The following GMCL1 variants were observed in gnomAD, a reference collection of about 807,000 sequenced individuals.
GMCL1 encodes germ cell-less protein-like 1.
GMCL1 carries 54 observed loss-of-function variants against 75.5 expected under a neutral mutation model. That is an observed-to-expected ratio of 0.71 (90% CI 0.57 to 0.90). The LOEUF (loss-of-function observed/expected upper bound fraction) is 0.90. Ranked by LOEUF, GMCL1 falls within the 40% of genes least tolerant of loss-of-function variation. The probability of loss-of-function intolerance (pLI) is 0.00; values close to 1 mark genes in which losing one functional copy is unlikely to be tolerated. For synonymous variants in GMCL1, 210 were observed against 209.6 expected, an observed-to-expected ratio of 1.00 and a Z score of -0.02; for missense variants, 537 against 622.7, an observed-to-expected ratio of 0.86 and a Z score of 1.47.
In GMCL1 at chr2:69,854,945, G is replaced by A; in HGVS notation, c.1057G>A (p.Ala353Thr). Residue 353 changes from alanine to threonine, a missense_variant, in exon 9 of 14, where the codon GCT becomes ACT. Around this residue, in one of 3 missense-constraint regions of GMCL1, gnomAD observed 345 missense variants for 410.5 expected, o/e 0.84. Coordinates refer to ENST00000282570, the MANE Select transcript of GMCL1 (RefSeq NM_178439.5). Reference protein sequence around the residue: ...LASARIIEQDAVVPSEWLSSV... With the variant: ...LASARIIEQDTVVPSEWLSSV... ...TTCTGCAAGAATTATTGAACAAGAT[G>A]CTGTAGTACCTTCAGGTAAGAGAAC... The A allele has an allele frequency of 6.2e-7, 1 of 1,603,976 alleles. No homozygotes were observed. The highest frequency in any genetic ancestry group is 8.5e-7 in the Non-Finnish European group (1 of 1,174,556).
At chr2:69,854,120 GTATTATTATTAT>G (rs70954364) in intron 8 of GMCL1, among the ~76,000 whole-genome samples, 6 of 144,000 alleles carry the variant, frequency 4.2e-5, no homozygotes, top group African/African-American at 1.3e-4. Context: ...TCTATTTTCA[GTATTATTATTAT>G]TATTATTATT....
intron 9 of GMCL1, among the ~76,000 whole-genome samples, chr2:69,859,081 G>A (rs1320007856): frequency 6.6e-6 from 1 of 150,520 alleles, no homozygotes; most frequent in African/African-American, 2.5e-5. Flanking sequence ...GGGAGGTGGA[G>A]GTTGCTGTGA....
chr2:69,854,786 A>G (rs1167339295), intron 8 of GMCL1, 37 bp from the exon 9 acceptor site: 1 of 1,576,562 alleles, frequency 6.3e-7, no homozygotes, highest in Admixed American at 1.8e-5. Context: ...AATAGGTTTG[A>G]AAAGAATGGC....
chr2:69,845,380 A>G (rs1006257585), intron 6 of GMCL1, among the ~76,000 whole-genome samples: 1 of 152,190 alleles, frequency 6.6e-6, no homozygotes, highest in African/African-American at 2.4e-5. Flanking sequence ...CTAAAAACCT[A>G]CAAGAAATAT....
chr2:69,856,176 A>T (rs1675461940), intron 9 of GMCL1, among the ~76,000 whole-genome samples: 1 of 152,188 alleles, frequency 6.6e-6, no homozygotes, highest in Admixed American at 6.6e-5. Flanking sequence ...CACATTATTG[A>T]GATAGGCTGA....
chr2:69,830,371 C>T (rs1452043321), intron 1 of GMCL1, among the ~76,000 whole-genome samples: 1 of 152,192 alleles, frequency 6.6e-6, no homozygotes, highest in Non-Finnish European at 1.5e-5. Context: ...CAGACGCTTC[C>T]AGGGTGTTGT....
chr2:69,862,155 A>G (rs1675672960), intron 10 of GMCL1, among the ~76,000 whole-genome samples: 1 of 152,212 alleles, frequency 6.6e-6, no homozygotes. Flanking sequence ...CAGAACTTTT[A>G]TATTTGTGAT....
chr2:69,862,761 A>C lies in GMCL1; in HGVS notation c.1142+1414A>C, dbSNP rs929990679. ...GCAACAAGAGCAAAACTCCATCCCA[A>C]AAAAAAAAAAGATTGTTGAAATACA... On this transcript the variant is annotated intron_variant, in intron 10 of 13. Coordinates refer to ENST00000282570, the MANE Select transcript of GMCL1 (RefSeq NM_178439.5). Among the ~76,000 whole-genome samples the C allele has an allele frequency of 6.7e-5, 10 of 149,264 alleles. No homozygotes were observed. In the Middle Eastern group the frequency reaches 0.017, roughly 256 times the overall value.
At chr2:69,849,800 C>T in intron 8 of GMCL1, 58 bp downstream of exon 8, 3 of 952,812 alleles carry the variant, frequency 3.1e-6, no homozygotes, top group Non-Finnish European at 4.8e-6. Context: ...AAAATCAGGC[C>T]CCATGAGAAC....
chr2:69,850,902 C>T (rs1165959048), intron 8 of GMCL1, among the ~76,000 whole-genome samples: 1 of 152,180 alleles, frequency 6.6e-6, no homozygotes, highest in Non-Finnish European at 1.5e-5. Flanking sequence ...AACTATGTCA[C>T]ATTGTGGCCT....
chr2:69,880,956 A>G lies in GMCL1; in HGVS notation c.*1952A>G, dbSNP rs770349461. 6.6e-6 allele frequency: 1 copy of G among 152,166 alleles called. No homozygotes were observed. The highest frequency in any genetic ancestry group is 1.5e-5 in the Non-Finnish European group (1 of 68,030). 9.4% of individuals were successfully genotyped at this position (152,166 alleles called of 1,614,324 possible). On this transcript the variant is annotated 3_prime_UTR_variant, in exon 14 of 14. Transcript: ENST00000282570. ...TTTCTTTCCGTCTCATTACTGTATA[A>G]GAGTTTCCTTACCCTTTATGTATTG...
At chr2:69,878,543 A>T (rs1676189088) in intron 13 of GMCL1, among the ~76,000 whole-genome samples, 1 of 152,236 alleles carries the variant, frequency 6.6e-6, no homozygotes, top group South Asian at 2.1e-4. Context: ...ATTGAAGCCC[A>T]GTGAGAAGTT....
intron 13 of GMCL1, chr2:69,873,758 T>G (rs1439596858): frequency 5.9e-6 from 1 of 168,320 alleles, no homozygotes; most frequent in Non-Finnish European, 1.5e-5. Flanking sequence ...TGCATTGTTG[T>G]CCTCTGTCTT....
In GMCL1 at chr2:69,880,460, C is replaced by T. The variant is rs1405897626; in HGVS notation, c.*1456C>T. On this transcript the variant is annotated 3_prime_UTR_variant, in exon 14 of 14. Transcript: ENST00000282570. ...ATCCATTTGGTTTAACTTAAAGGAA[C>T]CTTTTAAATGCCTCACCCTTGACCC... The T allele has an allele frequency of 3.3e-5, 5 of 151,954 alleles. No individual in the cohort carries two copies. The highest frequency in any genetic ancestry group is 3.3e-4 in the Admixed American group (5 of 15,236). 9.4% of individuals were successfully genotyped at this position (151,954 alleles called of 1,614,324 possible). A position where few individuals can be genotyped will look rare whatever the true frequency, so the allele number is the denominator to read the frequency against.
chr2:69,855,629 T>C (rs901062642), intron 9 of GMCL1, among the ~76,000 whole-genome samples: 1 of 152,174 alleles, frequency 6.6e-6, no homozygotes, highest in African/African-American at 2.4e-5. Context: ...GTTCCTGATA[T>C]CTGTATACTT....
intron 11 of GMCL1, among the ~76,000 whole-genome samples, chr2:69,868,943 G>A (rs1453069602): frequency 2.7e-5 from 4 of 149,242 alleles, no homozygotes; most frequent in Middle Eastern, 3.2e-3. Flanking sequence ...GTGAAACCCC[G>A]TCTCTACTCA....
chr2:69,861,795 C>T (rs1318360387), intron 10 of GMCL1, among the ~76,000 whole-genome samples: 2 of 151,966 alleles, frequency 1.3e-5, no homozygotes, highest in African/African-American at 4.8e-5. Context: ...ATTTAAAAAC[C>T]ATCCAGGCTG....
At position 69,829,846 on chromosome 2, in the gene GMCL1, G is replaced by C. The variant is rs1466655357; in HGVS notation, c.-47G>C. 6.7e-7 allele frequency: 1 copy of C among 1,499,340 alleles called. No individual in the cohort carries two copies. Among genetic ancestry groups the C allele is most frequent in the Non-Finnish European group, 8.8e-7 (1 of 1,130,528 alleles). The allele number at this position is 1,499,340 out of a possible 1,614,324, so 92.9% of individuals were successfully genotyped here. A position where few individuals can be genotyped will look rare whatever the true frequency, so the allele number is the denominator to read the frequency against. ...GGCGGCGGCGGCCGAGCCATGGCGG[G>C]AGACCCCCTTCTCTGGGCTCCCTGA... On this transcript the variant is annotated 5_prime_UTR_variant, in exon 1 of 14. Transcript: ENST00000282570.
At chr2:69,850,393 T>G (rs1675282749) in intron 8 of GMCL1, among the ~76,000 whole-genome samples, 1 of 152,232 alleles carries the variant, frequency 6.6e-6, no homozygotes, top group Non-Finnish European at 1.5e-5. Flanking sequence ...CTAAAACATA[T>G]CTAGAAAAAG....
Sources: gnomAD v4.1 joint callset for allele counts (sites outside exome capture counted in the v4.1 genomes callset) on GRCh38, gnomAD v4.1.1 for gene constraint, gnomAD v4.1.1 regional missense constraint, MANE v1.5 for transcripts, NCBI Gene and HGNC (gene_info 2026-07-23, HGNC 2026-07-21) for gene names.